The following NDUFV3 variants were observed in gnomAD, a reference collection of about 807,000 sequenced individuals.
The protein encoded by NDUFV3 is NADH:ubiquinone oxidoreductase subunit V3, also known as NADH dehydrogenase [ubiquinone] flavoprotein 3, mitochondrial.
In NDUFV3, 44 loss-of-function variants were observed where a neutral mutation model predicts 37.5. That is an observed-to-expected ratio of 1.17 (90% CI 0.92 to 1.51). NDUFV3 has a LOEUF of 1.51. Among genes scored for constraint, NDUFV3 ranks in the 40% most tolerant of loss-of-function variants. The probability of loss-of-function intolerance (pLI) is 0.00; values close to 1 mark genes in which losing one functional copy is unlikely to be tolerated. For missense variants in NDUFV3, 580 were observed against 580.4 expected (o/e 1.00, Z 0.01); for synonymous variants, 235 against 239.3 (o/e 0.98, Z 0.17).
At chr21:42,894,386 A>ATATATATT (rs370179591) in intron 1 of NDUFV3, among the ~76,000 whole-genome samples, 1 of 27,882 alleles carries the variant, frequency 3.6e-5, no homozygotes, top group South Asian at 6.1e-4. Context: ...ATAATATGTA[A>ATATATATT]ATATATATTA....
rs1406304825 is a variant in NDUFV3 at position 42,912,736 on chromosome 21, C to CA, written c.*3721dup. 1.3e-5 allele frequency: 2 copies of CA among 152,116 alleles called. No individual in the cohort carries two copies. Among genetic ancestry groups the CA allele is most frequent in the African/African-American group, 4.8e-5 (2 of 41,398 alleles). 9.4% of individuals were successfully genotyped at this position (152,116 alleles called of 1,614,324 possible). ...TGAAACCCCGTCTCTATTAAAAATACAAAAAATTAGCCGGGCATGGTAGCG... is the reference window on the plus strand; with the variant it reads ...TGAAACCCCGTCTCTATTAAAAATACAAAAAAATTAGCCGGGCATGGTAGCG... On this transcript the variant is annotated 3_prime_UTR_variant, in exon 4 of 4. Coordinates refer to ENST00000354250, the MANE Select transcript of NDUFV3 (RefSeq NM_021075.4).
chr21:42,909,038 G>A lies in NDUFV3; in HGVS notation c.*17G>A. ...CGACACTGAGGGCCCTCGGTGTGAA[G>A]ATGAACCTTCCACCGTCTTCACTGC... On this transcript the variant is annotated 3_prime_UTR_variant, in exon 4 of 4. Transcript: ENST00000354250. The A allele has an allele frequency of 3.7e-6, 6 of 1,608,904 alleles. No individual in the cohort carries two copies. The highest frequency in any genetic ancestry group is 1.1e-5 in the South Asian group (1 of 91,022).
In NDUFV3 at chr21:42,897,022, T is replaced by C; in HGVS notation, c.144T>C (p.Asn48=). ...SGKSEKGQPQ[N]SKKQSPPKNV... ...AGAGTGAAAAGGGTCAGCCACAGAATTCCAAGAAGCAAAGTCCACCAAAAA... is the reference window on the plus strand; with the variant it reads ...AGAGTGAAAAGGGTCAGCCACAGAACTCCAAGAAGCAAAGTCCACCAAAAA... Residue 48 remains asparagine (N), a synonymous_variant, in exon 2 of 4, where the codon AAT becomes AAC. Transcript: ENST00000354250. 6.2e-7 allele frequency: 1 copy of C among 1,614,086 alleles called. No homozygotes were observed. The highest frequency in any genetic ancestry group is 1.6e-4 in the Middle Eastern group (1 of 6,062).
Position 42,912,588 on chromosome 21 carries a change from C to G in NDUFV3, c.*3567C>G, listed in dbSNP as rs1263187928. 1 of 151,774 alleles carries G rather than the reference C, an allele frequency of 6.6e-6. No homozygotes were observed. Among genetic ancestry groups the G allele is most frequent in the Non-Finnish European group, 1.5e-5 (1 of 68,142 alleles). The allele number at this position is 151,774 out of a possible 1,614,324, so 9.4% of individuals were successfully genotyped here. On this transcript the variant is annotated 3_prime_UTR_variant, in exon 4 of 4. Coordinates refer to ENST00000354250, the MANE Select transcript of NDUFV3 (RefSeq NM_021075.4). ...CCTGGCTAACACGGTGAAACCCTGT[C>G]TCTACTAAAAATACAAAAAATTGGC... is the stretch of plus-strand genomic sequence containing the variant.
In NDUFV3 at chr21:42,908,964, ACT is replaced by A. The variant is rs1373515696; in HGVS notation, c.1369_1370del (p.Ser457LysfsTer38). ...TYTFLDLNLE[L>X]SKFRMPQPSS... ...ACACCTTCTTAGACCTCAACCTCGA[ACT>A]CTCAAAATTCAGGATGCCTCAGCCC... On this transcript the variant is annotated frameshift_variant, in exon 4 of 4. Transcript: ENST00000354250. LOFTEE classifies it high-confidence loss of function. 12 of 1,613,696 alleles carry A rather than the reference ACT, an allele frequency of 7.4e-6. No homozygotes were observed. The highest frequency in any genetic ancestry group is 1.3e-5 in the African/African-American group (1 of 74,806).
intron 2 of NDUFV3, among the ~76,000 whole-genome samples, chr21:42,899,376 A>G (rs2146152854): frequency 6.7e-6 from 1 of 149,982 alleles, no homozygotes; most frequent in South Asian, 2.1e-4. Context: ...GATTCAAGCA[A>G]TTCTCCTGCC....
chr21:42,894,941 A>G (rs1055541907), intron 1 of NDUFV3, among the ~76,000 whole-genome samples: 1 of 152,162 alleles, frequency 6.6e-6, no homozygotes, highest in African/African-American at 2.4e-5. Flanking sequence ...GAGTTGGCAT[A>G]ATATAAAATA....
chr21:42,908,873 C>T lies in NDUFV3; in HGVS notation c.1274C>T (p.Pro425Leu). The T allele has an allele frequency of 6.2e-7, 1 of 1,614,212 alleles. No homozygotes were observed. Among genetic ancestry groups the T allele is most frequent in the Non-Finnish European group, 8.5e-7 (1 of 1,180,040 alleles). ...DDRGGTQEPAPVPAEPFDNTT... is the reference protein window; with the variant it reads ...DDRGGTQEPALVPAEPFDNTT... ...CGTGTTTCCTCCGCAGAGCCAGCCCCAGTGCCTGCTGAGCCGTTTGACAAC... is the reference window on the plus strand; with the variant it reads ...CGTGTTTCCTCCGCAGAGCCAGCCCTAGTGCCTGCTGAGCCGTTTGACAAC... Residue 425 changes from proline (P) to leucine (L), a missense_variant, in exon 4 of 4, where the codon CCA becomes CTA. Pro to Leu is a moderately conservative substitution (Grantham distance 98, BLOSUM62 -3). Coordinates refer to ENST00000354250, the MANE Select transcript of NDUFV3 (RefSeq NM_021075.4).
At chr21:42,906,864 A>G (rs763681314) in intron 3 of NDUFV3, 1 of 518,950 alleles carries the variant, frequency 1.9e-6, no homozygotes, top group Non-Finnish European at 3.8e-6. Flanking sequence ...CACCGAAGAT[A>G]CTCACCTTGT....
rs1461023183 is a variant in NDUFV3, at chr21:42,904,007, G to A, written c.995G>A (p.Gly332Glu). The change falls in exon 3 of 4, where the codon GGG becomes GAG. Residue 332 changes from glycine (G) to glutamate (E), a missense_variant. Physicochemically the swap from Gly to Glu is moderately conservative, Grantham distance 98. Coordinates refer to ENST00000354250, the MANE Select transcript of NDUFV3 (RefSeq NM_021075.4). ...LQASPPGAAE[G>E]HLEKPVPEPQ... ...GCCAGTCCTCCTGGGGCGGCAGAGG[G>A]GCATCTGGAAAAACCCGTGCCAGAG... The A allele has an allele frequency of 6.2e-7, 1 of 1,614,112 alleles. No homozygotes were observed. Among genetic ancestry groups the A allele is most frequent in the Non-Finnish European group, 8.5e-7 (1 of 1,180,018 alleles).
chr21:42,896,959 A>T lies in NDUFV3; in HGVS notation c.81A>T (p.Gly27=). The T allele has an allele frequency of 6.2e-7, 1 of 1,613,948 alleles. No individual in the cohort carries two copies. Residue 27 remains glycine (G), a synonymous_variant, in exon 2 of 4, where the codon GGA becomes GGT. Transcript: ENST00000354250. Reference sequence around the variant, plus strand: ...TCCAGGAAGCCCAGGTGTTTCGAGGACTTGCTTCTACGGTTTCTTTGTCTG... The same window carrying T: ...TCCAGGAAGCCCAGGTGTTTCGAGGTCTTGCTTCTACGGTTTCTTTGTCTG... The part of the protein sequence containing the change: ...TMLQEAQVFR[G]LASTVSLSAE...
intron 1 of NDUFV3, among the ~76,000 whole-genome samples, chr21:42,894,525 TAA>T (rs1373307920): frequency 4.6e-4 from 43 of 93,960 alleles, no homozygotes; most frequent in Admixed American, 7.9e-4. Context: ...ATATTATATA[TAA>T]TATATATCAT....
At position 42,894,364 on chromosome 21, in the gene NDUFV3, A is replaced by ATAT. The variant is rs1406235522; in HGVS notation, c.48+984_48+986dup. Among the ~76,000 whole-genome samples, 4 of 35,384 alleles carry ATAT rather than the reference A, an allele frequency of 1.1e-4. 1 individual carries two copies. The highest frequency in any genetic ancestry group is 7.2e-4 in the East Asian group (2 of 2,786). The allele number at this position is 35,384 out of a possible 152,430, so 23.2% of individuals were successfully genotyped here. ...TATATTATATATAAATATATATTATATATATATTTATATAATATGTAAATA... is the reference window on the plus strand; with the variant it reads ...TATATTATATATAAATATATATTATATATTATATATTTATATAATATGTAAATA... On this transcript the variant is annotated intron_variant, in intron 1 of 3. Transcript: ENST00000354250.
intron 2 of NDUFV3, among the ~76,000 whole-genome samples, chr21:42,899,277 G>GTATTTTTTTTTTTTTTTTTTTTT (rs367688123): frequency 7.1e-6 from 1 of 141,132 alleles, no homozygotes; most frequent in Non-Finnish European, 1.5e-5. Context: ...GTTGTATCTT[G>GTATTTTTTTTTTTTTTTTTTTTT]TTTTTTTTTG....
Position 42,903,536 on chromosome 21 carries a change from C to T in NDUFV3, c.524C>T (p.Pro175Leu). Residue 175 changes from proline to leucine, a missense_variant, in exon 3 of 4, where the codon CCT becomes CTT. Pro to Leu is a moderately conservative substitution (Grantham distance 98). Transcript: ENST00000354250. Reference sequence around the variant, plus strand: ...GAGGCTGACGTTTCAGAGGTCACTCCTCGAGTGGTGAGCAAAGGCAGAGGG... The same window carrying T: ...GAGGCTGACGTTTCAGAGGTCACTCTTCGAGTGGTGAGCAAAGGCAGAGGG... ...DDEADVSEVT[P>L]RVVSKGRGGL... is the part of the protein sequence containing the mutation. The T allele has an allele frequency of 6.2e-7, 1 of 1,614,110 alleles. No homozygotes were observed. The highest frequency in any genetic ancestry group is 8.5e-7 in the Non-Finnish European group (1 of 1,180,028).
At chr21:42,899,567 C>G (rs1268243294) in intron 2 of NDUFV3, among the ~76,000 whole-genome samples, 1 of 152,218 alleles carries the variant, frequency 6.6e-6, no homozygotes, top group Non-Finnish European at 1.5e-5. Flanking sequence ...GCCCCATCCT[C>G]CCGAATAGCT....
In NDUFV3 at chr21:42,911,504, C is replaced by G. The variant is rs1293383734; in HGVS notation, c.*2483C>G. 6.7e-5 allele frequency: 8 copies of G among 119,080 alleles called. No homozygotes were observed. The highest frequency in any genetic ancestry group is 2.6e-4 in the African/African-American group (8 of 30,466). The allele number at this position is 119,080 out of a possible 1,614,324, so 7.4% of individuals were successfully genotyped here. Reference sequence around the variant, plus strand: ...CTCACTCTTGCCCGGAGGAGTGGTGCGATCTCAGCTCACTGCAGCCTCGTC... The same window carrying G: ...CTCACTCTTGCCCGGAGGAGTGGTGGGATCTCAGCTCACTGCAGCCTCGTC... On this transcript the variant is annotated 3_prime_UTR_variant, in exon 4 of 4. Transcript: ENST00000354250.
intron 3 of NDUFV3, among the ~76,000 whole-genome samples, chr21:42,904,535 A>G (rs1188740111): frequency 7.7e-6 from 1 of 130,628 alleles, no homozygotes; most frequent in African/African-American, 3.0e-5. Flanking sequence ...TCTGTTGCCC[A>G]GGTAGAGTGC....
chr21:42,902,638 G>A (rs2058721860), intron 2 of NDUFV3, among the ~76,000 whole-genome samples: 1 of 152,130 alleles, frequency 6.6e-6, no homozygotes, highest in Non-Finnish European at 1.5e-5. Context: ...GTTTGTTATG[G>A]TCTCTGAGAG....
Sources: gnomAD v4.1 joint callset for allele counts (sites outside exome capture counted in the v4.1 genomes callset) on GRCh38, gnomAD v4.1.1 for gene constraint, MANE v1.5 for transcripts, NCBI Gene and HGNC (gene_info 2026-07-23, HGNC 2026-07-21) for gene names.